Variants in RASL12 observed in about 807,000 individuals in gnomAD.
RASL12 encodes the protein ras-like protein family member 12.
In RASL12, 16 loss-of-function variants were observed where a neutral mutation model predicts 22.9. The ratio of observed to expected loss-of-function variants is 0.70; its 90% CI spans 0.47 to 1.06. RASL12 has a LOEUF of 1.06. Among genes scored for constraint, RASL12 ranks in the 50% least tolerant of loss-of-function variants. RASL12 has a pLI of 0.00. For missense variants in RASL12, 306 were observed against 353.1 expected, an observed-to-expected ratio of 0.87 and a Z score of 1.07; for synonymous variants, 159 against 152.2, an observed-to-expected ratio of 1.04 and a Z score of -0.33.
chr15:65,048,509 G>A (rs1033486711), downstream of RASL12, among the ~76,000 whole-genome samples: 6 of 152,196 alleles, frequency 3.9e-5, no homozygotes, highest in East Asian at 3.8e-4. Context: ...GAGCACCTAA[G>A]GCAGTGACAG....
upstream of RASL12, among the ~76,000 whole-genome samples, chr15:65,070,056 C>T (rs143209702): frequency 3.9e-3 from 591 of 152,284 alleles, 2 homozygotes; most frequent in East Asian, 0.011. Context: ...TCCTCATCTT[C>T]AAAATAGGGA....
At position 65,053,538 on chromosome 15, in the gene RASL12, C is replaced by T. The variant is rs9832; in HGVS notation, c.*1361G>A. On this transcript the variant is annotated 3_prime_UTR_variant, in exon 5 of 5. Transcript: ENST00000220062. ...GTGGTCTTGAGTAGTTCACAGCCCC[C>T]CTCTGACCTCAGCTCCTCCATTTAC... is the stretch of plus-strand genomic sequence containing the variant. 9.8e-7 allele frequency: 1 copy of T among 1,023,148 alleles called. No homozygotes were observed. The highest frequency in any genetic ancestry group is 1.2e-6 in the Non-Finnish European group (1 of 854,178). 63.4% of individuals were successfully genotyped at this position (1,023,148 alleles called of 1,614,324 possible).
Position 65,053,699 on chromosome 15 carries a change from T to A in RASL12, c.*1200A>T. The stretch of plus-strand genomic sequence containing the variant: ...CCTTCCACCCACCAGGACCCTCTCT[T>A]TTCCCTGCTTGTCTGCTAAGAGTCT... On this transcript the variant is annotated 3_prime_UTR_variant, in exon 5 of 5. Transcript: ENST00000220062. 1.0e-6 allele frequency: 1 copy of A among 988,244 alleles called. No homozygotes were observed. Among genetic ancestry groups the A allele is most frequent in the Non-Finnish European group, 1.2e-6 (1 of 831,654 alleles). The allele number at this position is 988,244 out of a possible 1,614,324, so 61.2% of individuals were successfully genotyped here.
chr15:65,051,582 G>A, downstream of RASL12: 1 of 1,613,512 alleles, frequency 6.2e-7, no homozygotes, highest in Non-Finnish European at 8.5e-7. Context: ...TGGTCCTCCT[G>A]GGAAGAAGCA....
At chr15:65,065,147 C>G in intron 2 of RASL12, 70 bp downstream of exon 2, 2 of 1,482,910 alleles carry the variant, frequency 1.3e-6, no homozygotes, top group Non-Finnish European at 1.9e-6. Context: ...TGCCCACCCA[C>G]GGGGTGGGTC....
In RASL12 at chr15:65,055,135, TCTC is replaced by T; in HGVS notation, c.562_564del (p.Glu188del). The stretch of plus-strand genomic sequence containing the variant: ...AAGAGGGGCCGGGTCAGGGGGCTCT[TCTC>T]CAGCTCCCGCCGTGCCTCTCGCACT... On this transcript the variant is annotated inframe_deletion, in exon 5 of 5. Coordinates refer to ENST00000220062, the MANE Select transcript of RASL12 (RefSeq NM_016563.4). The T allele has an allele frequency of 5.0e-6, 8 of 1,611,226 alleles. No homozygotes were observed. Among genetic ancestry groups the T allele is most frequent in the Non-Finnish European group, 6.8e-6 (8 of 1,179,160 alleles).
At chr15:65,047,980 A>C in the RASL12 span, among the ~76,000 whole-genome samples, 1 of 152,054 alleles carries the variant, frequency 6.6e-6, no homozygotes. Context: ...CGAGTTCAAG[A>C]CCAGCCTGGG....
At chr15:65,060,130 C>T (rs556761207) in intron 2 of RASL12, among the ~76,000 whole-genome samples, 5 of 152,308 alleles carry the variant, frequency 3.3e-5, no homozygotes, top group South Asian at 4.1e-4. Flanking sequence ...TTGTCCCAGG[C>T]GCTGTGCTAA....
upstream of RASL12, among the ~76,000 whole-genome samples, chr15:65,072,924 G>A (rs1469729363): frequency 6.6e-6 from 1 of 152,094 alleles, no homozygotes; most frequent in Non-Finnish European, 1.5e-5. Flanking sequence ...ATCACTTGAG[G>A]TCAAGAGTTC....
At chr15:65,075,053 G>A (rs906519447) in intron 1 of RASL12, among the ~76,000 whole-genome samples, 3 of 152,228 alleles carry the variant, frequency 2.0e-5, no homozygotes, top group South Asian at 2.1e-4. Flanking sequence ...CCGGGGCTGC[G>A]TGTGGCGCTT....
At chr15:65,071,800 T>C (rs1430585927), upstream of RASL12, among the ~76,000 whole-genome samples, 2 of 152,094 alleles carry the variant, frequency 1.3e-5, no homozygotes, top group African/African-American at 4.8e-5. Flanking sequence ...GCAGCAGCCC[T>C]GGCCCCCTGG....
intron 4 of RASL12, among the ~76,000 whole-genome samples, chr15:65,057,964 C>T (rs2086753173): frequency 6.6e-6 from 1 of 152,208 alleles, no homozygotes; most frequent in Non-Finnish European, 1.5e-5. Flanking sequence ...CCAACATCTA[C>T]CATACCCTTA....
intron 4 of RASL12, among the ~76,000 whole-genome samples, chr15:65,058,150 T>C (rs1323808454): frequency 6.6e-6 from 1 of 152,050 alleles, no homozygotes; most frequent in Admixed American, 6.5e-5. Flanking sequence ...GAACCTGTAA[T>C]CCCAGCTACT....
At chr15:65,065,746 T>C (rs1266811366) in intron 1 of RASL12, among the ~76,000 whole-genome samples, 1 of 152,064 alleles carries the variant, frequency 6.6e-6, no homozygotes, top group Non-Finnish European at 1.5e-5. Flanking sequence ...TTGGGAAGGG[T>C]ATAAATCCCC....
intron 1 of RASL12, among the ~76,000 whole-genome samples, chr15:65,073,294 C>T (rs139590396): frequency 1.2e-3 from 182 of 152,266 alleles, no homozygotes; most frequent in African/African-American, 4.3e-3. Flanking sequence ...TAATGAAATA[C>T]TTACACAACT....
At chr15:65,063,054 A>G (rs1267135051) in intron 2 of RASL12, among the ~76,000 whole-genome samples, 1 of 152,066 alleles carries the variant, frequency 6.6e-6, no homozygotes, top group Non-Finnish European at 1.5e-5. Flanking sequence ...CCAGGTCAGA[A>G]CTCCAAAATT....
In RASL12 at chr15:65,054,954, T is replaced by C; in HGVS notation, c.746A>G (p.Gln249Arg). 1 of 1,614,198 alleles carries C rather than the reference T, an allele frequency of 6.2e-7. No homozygotes were observed. The highest frequency in any genetic ancestry group is 1.3e-5 in the African/African-American group (1 of 75,066). Residue 249 changes from glutamine (Q) to arginine (R), a missense_variant, in exon 5 of 5, where the codon CAG becomes CGG. Physicochemically the swap from Gln to Arg is conservative, Grantham distance 43 (BLOSUM62 1). Transcript: ENST00000220062. ...CAGGGTAGGCGCCTTGCGCTTGCTCTGGGCCCGGGATGACTTCACGGTGAC... is the reference window on the plus strand; with the variant it reads ...CAGGGTAGGCGCCTTGCGCTTGCTCCGGGCCCGGGATGACTTCACGGTGAC... ...KLVTVKSSRA[Q>R]SKRKAPTLTL... is the part of the protein sequence containing the mutation.
In RASL12 at chr15:65,055,259, T is replaced by C. The variant is rs2086716673; in HGVS notation, c.441A>G (p.Ala147=). ...DMAQYRQVTK[A]EGVALAGRFG... is the part of the protein sequence containing the mutation. ...ACCTGCCTGCCAAAGCCACACCCTC[T>C]GCCTTGGTGACTTGCCTGGTGAGGA... The change falls in exon 5 of 5, where the codon GCA becomes GCG. Residue 147 remains alanine (A), a synonymous_variant. Transcript: ENST00000220062. The C allele has an allele frequency of 6.3e-7, 1 of 1,575,460 alleles. No homozygotes were observed. Among genetic ancestry groups the C allele is most frequent in the Admixed American group, 1.7e-5 (1 of 57,640 alleles).
chr15:65,066,353 T>C (rs945894578), intron 1 of RASL12, among the ~76,000 whole-genome samples: 1 of 152,014 alleles, frequency 6.6e-6, no homozygotes, highest in Non-Finnish European at 1.5e-5. Flanking sequence ...CTGTTATCTC[T>C]AAAAAAATTG....
Sources: gnomAD v4.1 joint callset for allele counts (sites outside exome capture counted in the v4.1 genomes callset) on GRCh38, gnomAD v4.1.1 for gene constraint, MANE v1.5 for transcripts, NCBI Gene and HGNC (gene_info 2026-07-23, HGNC 2026-07-21) for gene names.